The following PRKAA2 variants were observed in gnomAD, a reference collection of about 807,000 sequenced individuals.
The protein encoded by PRKAA2 is protein kinase AMP-activated catalytic subunit alpha 2.
A neutral mutation model predicts 56.3 loss-of-function variants in PRKAA2; 40 were observed. The observed-to-expected ratio is 0.71, with a 90% CI of 0.55 to 0.92. The LOEUF is 0.92. Ranked by LOEUF, PRKAA2 falls within the 40% of genes least tolerant of loss-of-function variation. The probability of loss-of-function intolerance (pLI) is 0.00; values close to 1 mark genes in which losing one functional copy is unlikely to be tolerated. For synonymous variants in PRKAA2, 214 were observed against 234.2 expected, an observed-to-expected ratio of 0.91 and a Z score of 0.79; for missense variants, 542 against 686.9, an observed-to-expected ratio of 0.79 and a Z score of 2.36.
intron 2 of PRKAA2, among the ~76,000 whole-genome samples, chr1:56,682,453 C>G (rs566283888): frequency 1.3e-5 from 2 of 152,212 alleles, no homozygotes; most frequent in East Asian, 3.9e-4. Context: ...AGGGGAAGAG[C>G]AACATCAAAG....
chr1:56,655,267 T>TACA (rs61310694), intron 1 of PRKAA2, among the ~76,000 whole-genome samples: 1 of 73,990 alleles, frequency 1.4e-5, no homozygotes, highest in African/African-American at 5.5e-5. Context: ...TATTTATATA[T>TACA]CTATATATAT....
chr1:56,673,017 A>T (rs1417278228), intron 1 of PRKAA2, among the ~76,000 whole-genome samples: 4 of 152,138 alleles, frequency 2.6e-5, no homozygotes, highest in African/African-American at 9.7e-5. Flanking sequence ...TGTAGAAAAG[A>T]TGGGTTCAAG....
Position 56,715,303 on chromosome 1 carries a change from CAAATTA to C in PRKAA2, c.*7594_*7599del, listed in dbSNP as rs1644398394. ...TGCTTATAAGCTTTTTTCACAAAATCAAATTAAAAGTCTCTGATTCATTTGAAAGCT... is the reference window on the plus strand; with the variant it reads ...TGCTTATAAGCTTTTTTCACAAAATCAAAGTCTCTGATTCATTTGAAAGCT... On this transcript the variant is annotated 3_prime_UTR_variant, in exon 9 of 9. Coordinates refer to ENST00000371244, the MANE Select transcript of PRKAA2 (RefSeq NM_006252.4). 6.6e-6 allele frequency: 1 copy of C among 152,098 alleles called. No homozygotes were observed. The highest frequency in any genetic ancestry group is 2.4e-5 in the African/African-American group (1 of 41,440). The allele number at this position is 152,098 out of a possible 1,614,324, so 9.4% of individuals were successfully genotyped here.
chr1:56,655,895 T>G (rs1643937759), intron 1 of PRKAA2, among the ~76,000 whole-genome samples: 1 of 152,184 alleles, frequency 6.6e-6, no homozygotes, highest in Non-Finnish European at 1.5e-5. Context: ...AAGATAAAAC[T>G]GTCAGAGCCT....
chr1:56,672,146 C>CTCACTCTG (rs1216585245), intron 1 of PRKAA2, among the ~76,000 whole-genome samples: 1 of 152,028 alleles, frequency 6.6e-6, no homozygotes, highest in African/African-American at 2.4e-5. Context: ...GAGACAGGGT[C>CTCACTCTG]TCACTCTGTC....
chr1:56,707,624 A>G lies in PRKAA2; in HGVS notation c.1570A>G (p.Thr524Ala). The change falls in exon 9 of 9, where the codon ACA becomes GCA. Residue 524 changes from threonine (T) to alanine (A), a missense_variant. By Grantham distance (58) the Thr-to-Ala change is moderately conservative (BLOSUM62 0). Transcript: ENST00000371244. ...GSLTGSLTGS[T>A]LSSVSPRLGS... Reference sequence around the variant, plus strand: ...TCTCACTGGCTCTTTGACCGGAAGCACATTGTCTTCAGTTTCACCTCGCCT... The same window carrying G: ...TCTCACTGGCTCTTTGACCGGAAGCGCATTGTCTTCAGTTTCACCTCGCCT... The G allele has an allele frequency of 6.2e-7, 1 of 1,614,138 alleles. No homozygotes were observed. Among genetic ancestry groups the G allele is most frequent in the Non-Finnish European group, 8.5e-7 (1 of 1,180,002 alleles).
At chr1:56,648,310 C>T (rs781566501) in intron 1 of PRKAA2, among the ~76,000 whole-genome samples, 8 of 152,152 alleles carry the variant, frequency 5.3e-5, no homozygotes, top group Non-Finnish European at 7.4e-5. Flanking sequence ...TAAACGTGAT[C>T]GTTCAATATG....
chr1:56,659,412 G>A (rs890901703), intron 1 of PRKAA2, among the ~76,000 whole-genome samples: 2 of 150,072 alleles, frequency 1.3e-5, no homozygotes, highest in South Asian at 4.2e-4. Flanking sequence ...CAGGAGAATC[G>A]CTTGAATCTG....
chr1:56,706,274 C>T (rs2100439862), intron 8 of PRKAA2, 56 bp downstream of exon 8: 1 of 1,579,104 alleles, frequency 6.3e-7, no homozygotes, highest in East Asian at 2.2e-5. Flanking sequence ...CACTAGTTGA[C>T]CAGATGTTAA....
chr1:56,705,061 G>C (rs1215409384), intron 7 of PRKAA2, among the ~76,000 whole-genome samples: 1 of 152,046 alleles, frequency 6.6e-6, no homozygotes, highest in Admixed American at 6.5e-5. Flanking sequence ...TTGAATATAT[G>C]TGTGGGGAGG....
At chr1:56,678,970 G>A (rs1273896553) in intron 2 of PRKAA2, among the ~76,000 whole-genome samples, 6 of 152,034 alleles carry the variant, frequency 3.9e-5, no homozygotes, top group Non-Finnish European at 8.8e-5. Context: ...CTGGGATTAC[G>A]GGCGTGAGCC....
At chr1:56,694,358 G>A (rs1644245968) in intron 5 of PRKAA2, among the ~76,000 whole-genome samples, 2 of 152,130 alleles carry the variant, frequency 1.3e-5, no homozygotes, top group Non-Finnish European at 2.9e-5. Context: ...TATACAGATT[G>A]CAGTGGTAAA....
At chr1:56,693,605 C>T (rs975842819) in intron 4 of PRKAA2, among the ~76,000 whole-genome samples, 160 bp from the exon 5 acceptor site, 14 of 151,790 alleles carry the variant, frequency 9.2e-5, no homozygotes, top group East Asian at 1.9e-4. Context: ...CACTCTGAGA[C>T]GGTCTCTTTC....
Position 56,713,442 on chromosome 1 carries a change from G to T in PRKAA2, c.*5729G>T, listed in dbSNP as rs940760295. On this transcript the variant is annotated 3_prime_UTR_variant, in exon 9 of 9. Coordinates refer to ENST00000371244, the MANE Select transcript of PRKAA2 (RefSeq NM_006252.4). ...AAGTAGTTTAGATTTTATGGAAGTG[G>T]CTCTTGATTGTTTGGACAAGCAGGG... 2 of 152,008 alleles carry T rather than the reference G, an allele frequency of 1.3e-5. No individual in the cohort carries two copies. The highest frequency in any genetic ancestry group is 4.8e-5 in the African/African-American group (2 of 41,408). The allele number at this position is 152,008 out of a possible 1,614,324, so 9.4% of individuals were successfully genotyped here. A position where few individuals can be genotyped will look rare whatever the true frequency, so the allele number is the denominator to read the frequency against.
At chr1:56,676,259 C>T (rs715404) in intron 2 of PRKAA2, among the ~76,000 whole-genome samples, 72,431 of 151,990 alleles carry the variant, frequency 0.48, 17,545 homozygotes, top group East Asian at 0.64. Context: ...TATCCTGGAT[C>T]ATGTAGGTGG....
intron 2 of PRKAA2, among the ~76,000 whole-genome samples, chr1:56,690,618 C>T (rs565529922): frequency 5.0e-4 from 76 of 152,138 alleles, no homozygotes; most frequent in Non-Finnish European, 7.9e-4. Flanking sequence ...CAATATGTCT[C>T]TTAAGTTACT....
intron 1 of PRKAA2, among the ~76,000 whole-genome samples, chr1:56,666,601 C>T (rs1310679653): frequency 6.6e-6 from 1 of 152,120 alleles, no homozygotes; most frequent in Non-Finnish European, 1.5e-5. Flanking sequence ...CTGAAATTTG[C>T]TGAATGCTTA....
chr1:56,649,562 T>A (rs534403492), intron 1 of PRKAA2, among the ~76,000 whole-genome samples: 126 of 152,160 alleles, frequency 8.3e-4, no homozygotes, highest in Non-Finnish European at 1.4e-3. Flanking sequence ...AGATAGATAG[T>A]TAGATAAATG....
chr1:56,685,608 C>T (rs1014218592), intron 2 of PRKAA2, among the ~76,000 whole-genome samples: 46 of 152,174 alleles, frequency 3.0e-4, no homozygotes, highest in Admixed American at 1.4e-3. Flanking sequence ...GTACACTACA[C>T]TACTTAGTCT....
Sources: allele counts gnomAD v4.1 joint callset (sites outside exome capture counted in the v4.1 genomes callset), GRCh38; gene constraint gnomAD v4.1.1; transcripts MANE v1.5; gene names NCBI Gene and HGNC (gene_info 2026-07-23, HGNC 2026-07-21).